The following ECE1 variants were observed in gnomAD, a reference collection of about 807,000 sequenced individuals.
The protein encoded by ECE1 is endothelin-converting enzyme 1.
Under a neutral mutation model 98.6 loss-of-function variants are expected in ECE1, and 35 were observed. The observed-to-expected ratio is 0.35, with a 90% CI of 0.27 to 0.47. The LOEUF is 0.47. Among genes scored for constraint, ECE1 ranks in the 20% least tolerant of loss-of-function variants. The pLI is 1.00. For synonymous variants in ECE1, 394 were observed against 407.1 expected (o/e 0.97, Z 0.39); for missense variants, 814 against 1,025.3 (o/e 0.79, Z 2.81).
At chr1:21,342,621 C>T (rs1447036390) in intron 1 of ECE1, among the ~76,000 whole-genome samples, 1 of 126,298 alleles carries the variant, frequency 7.9e-6, no homozygotes, top group Non-Finnish European at 1.5e-5. Context: ...CACACACACA[C>T]ACACACACAC....
intron 1 of ECE1, among the ~76,000 whole-genome samples, chr1:21,303,787 TAGG>T (rs1189019754): frequency 6.6e-6 from 1 of 152,044 alleles, no homozygotes; most frequent in Admixed American, 6.5e-5. Flanking sequence ...TAGCTGGGAC[TAGG>T]AGGCATGCGC....
chr1:21,292,909 CTG>C (rs2103366236), upstream of ECE1, among the ~76,000 whole-genome samples: 1 of 152,326 alleles, frequency 6.6e-6, no homozygotes, highest in South Asian at 2.1e-4. Flanking sequence ...AGAGGGGACT[CTG>C]AGGCTGCTTC....
rs1360387941 is a variant in ECE1 at position 21,322,306 on chromosome 1, G to A, written c.3+23070C>T. Among the ~76,000 whole-genome samples, 2 of 152,140 alleles carry A rather than the reference G, an allele frequency of 1.3e-5. No individual in the cohort carries two copies. Among genetic ancestry groups the A allele is most frequent in the African/African-American group, 4.8e-5 (2 of 41,432 alleles). On this transcript the variant is annotated intron_variant, in intron 1 of 18. Coordinates refer to the ECE1 transcript ENST00000415912. This position sits in a 1 kb window ranked among gnomAD's most constrained non-coding sequence, Gnocchi z 4.1. ...GTGCAGCTCCCTCCCTAACGGCTGGGGACAGGTCAGTGCCACCCACCTCTA... is the reference window on the plus strand; with the variant it reads ...GTGCAGCTCCCTCCCTAACGGCTGGAGACAGGTCAGTGCCACCCACCTCTA...
At chr1:21,323,122 T>C (rs1470771360) in intron 1 of ECE1, among the ~76,000 whole-genome samples, 1 of 152,234 alleles carries the variant, frequency 6.6e-6, no homozygotes, top group Admixed American at 6.5e-5. Context: ...AGTACCTTTT[T>C]ATTTTATGAT....
intron 1 of ECE1, among the ~76,000 whole-genome samples, chr1:21,301,081 C>T (rs1365597719): frequency 1.3e-5 from 2 of 149,434 alleles, no homozygotes; most frequent in Non-Finnish European, 2.9e-5. Context: ...GTGTCTCCTC[C>T]TGACCCTCTC....
intron 1 of ECE1, among the ~76,000 whole-genome samples, chr1:21,331,342 T>C (rs980836516): frequency 6.6e-6 from 1 of 151,922 alleles, no homozygotes; most frequent in Non-Finnish European, 1.5e-5. Flanking sequence ...AGGTGACAAT[T>C]GCAATGAGCC....
At chr1:21,263,479 C>T (rs1008139609) in intron 4 of ECE1, among the ~76,000 whole-genome samples, 4 of 152,054 alleles carry the variant, frequency 2.6e-5, no homozygotes, top group African/African-American at 7.2e-5. Flanking sequence ...GCCTCAGCCT[C>T]CCGAGTAGCT....
chr1:21,290,563 C>T (rs1461095582), upstream of ECE1: 3 of 1,192,836 alleles, frequency 2.5e-6, no homozygotes, highest in South Asian at 8.6e-5. This position sits in a 1 kb window ranked among gnomAD's most constrained non-coding sequence, Gnocchi z 7.3. Context: ...CCCCAAGACC[C>T]GAGAGGCCCG....
chr1:21,309,445 TGGA>T (rs967281077), intron 1 of ECE1, among the ~76,000 whole-genome samples: 2 of 152,198 alleles, frequency 1.3e-5, no homozygotes, highest in African/African-American at 4.8e-5. Context: ...AGAAAGTGTT[TGGA>T]GTAGTGCCTG....
chr1:21,314,967 G>C (rs1173118822), intron 1 of ECE1, among the ~76,000 whole-genome samples: 1 of 152,160 alleles, frequency 6.6e-6, no homozygotes. Flanking sequence ...CCTCTATGAA[G>C]TCTTCCTCTG....
chr1:21,250,151 T>G (rs2098210491), intron 8 of ECE1, among the ~76,000 whole-genome samples: 1 of 151,982 alleles, frequency 6.6e-6, no homozygotes, highest in South Asian at 2.1e-4. Context: ...CAACCCCCAC[T>G]CCTGGAAACT....
chr1:21,312,961 T>C (rs1638760672), intron 1 of ECE1, among the ~76,000 whole-genome samples: 1 of 152,164 alleles, frequency 6.6e-6, no homozygotes, highest in Admixed American at 6.5e-5. Context: ...GTAAATACTA[T>C]CATTGTCTCT....
At position 21,279,313 on chromosome 1, in the gene ECE1, C is replaced by T. The variant is rs370944191; in HGVS notation, c.158G>A (p.Arg53Gln). Reference sequence around the variant, plus strand: ...TGCAGCCCAGCACCTCTGGCCACTCCGGGGGCTGTGGAAGTTCACCTGCAG... The same window carrying T: ...TGCAGCCCAGCACCTCTGGCCACTCTGGGGGCTGTGGAAGTTCACCTGCAG... ...NGLQVNFHSP[R>Q]SGQRCWAART... Residue 53 changes from arginine (R) to glutamine (Q), a missense_variant, in exon 3 of 19, where the codon CGG (arginine) becomes CAG (glutamine). By Grantham distance (43) the Arg-to-Gln change is conservative. Around this residue, in one of 3 missense-constraint regions of ECE1, gnomAD observed 257 missense variants for 278.9 expected, o/e 0.92. Coordinates refer to ENST00000374893, the MANE Select transcript of ECE1 (RefSeq NM_001397.3). 7.4e-6 allele frequency: 12 copies of T among 1,614,038 alleles called. No individual in the cohort carries two copies. The highest frequency in any genetic ancestry group is 2.2e-5 in the East Asian group (1 of 44,894).
Position 21,258,670 on chromosome 1 carries a change from G to A in ECE1, c.762+23C>T, listed in dbSNP as rs114049820. ...AGAGGTCGTGCCCGCCCCCTCGACC[G>A]CTGCAGGTTCAAGCTAGCTCACCTG... On this transcript the variant is annotated intron_variant, in intron 6 of 18. Transcript: ENST00000374893. This position sits in a 1 kb window ranked among gnomAD's most constrained non-coding sequence, Gnocchi z 4.2. 5.9e-5 allele frequency: 84 copies of A among 1,416,512 alleles called. No homozygotes were observed. The East Asian group carries it at 1.7e-3, about 29-fold the overall frequency. The allele number at this position is 1,416,512 out of a possible 1,614,324, so 87.7% of individuals were successfully genotyped here.
In ECE1 at chr1:21,264,274, C is replaced by T. The variant is rs535879737; in HGVS notation, c.494-3882G>A. On this transcript the variant is annotated intron_variant, in intron 4 of 18. Coordinates refer to ENST00000374893, the MANE Select transcript of ECE1 (RefSeq NM_001397.3). ...TCTGTAGAGTGCATTGTCTTGAACT[C>T]CTTTTAGTCCAAATAGGCACTGGAA... Among the ~76,000 whole-genome samples the T allele has an allele frequency of 5.0e-4, 76 of 151,824 alleles. 3 individuals carry two copies. The South Asian group carries it at 0.016, about 32-fold the overall frequency.
intron 4 of ECE1, among the ~76,000 whole-genome samples, chr1:21,271,310 C>G (rs1459159017): frequency 6.6e-6 from 1 of 152,310 alleles, no homozygotes; most frequent in East Asian, 1.9e-4. Flanking sequence ...CCTGGTTTGC[C>G]TACTTTCCCT....
At chr1:21,296,117 T>C (rs140768767) in intron 1 of ECE1, among the ~76,000 whole-genome samples, 123 of 152,276 alleles carry the variant, frequency 8.1e-4, no homozygotes, top group African/African-American at 2.7e-3. Context: ...CCAACATTTG[T>C]TGTTACTCTA....
chr1:21,271,029 G>A (rs1310423269), intron 4 of ECE1, among the ~76,000 whole-genome samples: 3 of 152,224 alleles, frequency 2.0e-5, no homozygotes, highest in Non-Finnish European at 4.4e-5. Context: ...GTTCTAAAAT[G>A]AAAAGCTGCA....
At chr1:21,301,985 T>C (rs765161831) in intron 1 of ECE1, among the ~76,000 whole-genome samples, 2 of 152,228 alleles carry the variant, frequency 1.3e-5, no homozygotes, top group East Asian at 3.9e-4. Context: ...ATGGCCACCT[T>C]GAGGCCAGAC....
Sources: allele counts gnomAD v4.1 joint callset (sites outside exome capture counted in the v4.1 genomes callset), GRCh38; gene constraint gnomAD v4.1.1; regional missense constraint gnomAD v4.1.1; non-coding constraint Gnocchi (gnomAD v3.1); transcripts MANE v1.5; gene names NCBI Gene and HGNC (gene_info 2026-07-23, HGNC 2026-07-21).